The following DOCK4 variants were observed in gnomAD, a reference collection of about 807,000 sequenced individuals.
The protein encoded by DOCK4 is dedicator of cytokinesis 4.
DOCK4 carries 97 observed loss-of-function variants against 268.1 expected under a neutral mutation model. The ratio of observed to expected loss-of-function variants is 0.36; its 90% CI spans 0.31 to 0.43. DOCK4 has a LOEUF of 0.43. Among genes scored for constraint, DOCK4 ranks in the 20% least tolerant of loss-of-function variants. DOCK4 has a pLI of 1.00. For missense variants in DOCK4, 2,145 were observed against 2,455.7 expected, an observed-to-expected ratio of 0.87 and a Z score of 2.67; for synonymous variants, 954 against 887.2, an observed-to-expected ratio of 1.08 and a Z score of -1.34.
chr7:112,116,118 A>AC (rs1288303831), intron 1 of DOCK4, among the ~76,000 whole-genome samples: 1 of 152,036 alleles, frequency 6.6e-6, no homozygotes, highest in Non-Finnish European at 1.5e-5. Flanking sequence ...CTTTTTTAAC[A>AC]CCCCAAATGG....
At chr7:111,812,070 T>A in intron 27 of DOCK4, 121 bp from the exon 28 acceptor site, 3 of 518,344 alleles carry the variant, frequency 5.8e-6, no homozygotes, top group Non-Finnish European at 1.0e-5. Flanking sequence ...GGAGCAATAT[T>A]AAATAATTCA....
chr7:111,735,187 C>T lies in DOCK4; in HGVS notation c.5306-20G>A. ...TCACAGCTGGAAGGGAATAACACAG[C>T]TAAAAACACACGGTCCAGCTTTGCC... On this transcript the variant is annotated intron_variant, in intron 50 of 52. Transcript: ENST00000428084. 6.7e-7 allele frequency: 1 copy of T among 1,503,328 alleles called. No homozygotes were observed. The highest frequency in any genetic ancestry group is 1.3e-5 in the South Asian group (1 of 79,896). The allele number at this position is 1,503,328 out of a possible 1,614,324, so 93.1% of individuals were successfully genotyped here. A position where few individuals can be genotyped will look rare whatever the true frequency, so the allele number is the denominator to read the frequency against.
At chr7:112,000,729 T>G (rs941056752) in intron 2 of DOCK4, among the ~76,000 whole-genome samples, 195 bp from the exon 3 acceptor site, 2 of 152,166 alleles carry the variant, frequency 1.3e-5, no homozygotes, top group African/African-American at 2.4e-5. Context: ...AATAAAACCA[T>G]TTTTAAAAAA....
chr7:112,172,940 T>A (rs1818205577), intron 1 of DOCK4, among the ~76,000 whole-genome samples: 1 of 152,174 alleles, frequency 6.6e-6, no homozygotes, highest in South Asian at 2.1e-4. Flanking sequence ...ACCCCGTAAC[T>A]AGAGCAGAAC....
At chr7:112,127,575 A>C (rs1047566246) in intron 1 of DOCK4, among the ~76,000 whole-genome samples, 38 of 149,544 alleles carry the variant, frequency 2.5e-4, no homozygotes, top group South Asian at 1.1e-3. Flanking sequence ...ATAAAAAAAA[A>C]CTTCTTTATT....
intron 23 of DOCK4, among the ~76,000 whole-genome samples, chr7:111,855,698 C>T (rs895319809): frequency 2.0e-5 from 3 of 152,138 alleles, no homozygotes; most frequent in African/African-American, 7.2e-5. Context: ...TGCTACATGG[C>T]ACCCTGGAAA....
chr7:112,027,269 G>C (rs1344197653), intron 1 of DOCK4, among the ~76,000 whole-genome samples: 1 of 152,090 alleles, frequency 6.6e-6, no homozygotes. Context: ...TTGTTGCCCA[G>C]GGTGGAGTGC....
chr7:111,800,604 A>G (rs1027058420), intron 30 of DOCK4, among the ~76,000 whole-genome samples: 1 of 151,926 alleles, frequency 6.6e-6, no homozygotes, highest in African/African-American at 2.4e-5. Context: ...GGTCTATAGG[A>G]CCCCCACTAA....
chr7:111,761,962 T>C (rs2133603042), intron 39 of DOCK4, among the ~76,000 whole-genome samples: 1 of 152,312 alleles, frequency 6.6e-6, no homozygotes, highest in East Asian at 1.9e-4. Context: ...CATCCCTCTC[T>C]GCCTATTACA....
chr7:112,180,476 G>C (rs1818926636), intron 1 of DOCK4, among the ~76,000 whole-genome samples: 1 of 152,206 alleles, frequency 6.6e-6, no homozygotes, highest in African/African-American at 2.4e-5. Flanking sequence ...GTAAGTGTGA[G>C]TTGGTCCTCT....
chr7:111,842,565 C>T (rs1382564984), intron 25 of DOCK4, among the ~76,000 whole-genome samples: 2 of 152,150 alleles, frequency 1.3e-5, no homozygotes, highest in African/African-American at 2.4e-5. Context: ...TAGAGTGGAG[C>T]CAGAGAAGGT....
At chr7:111,814,379 C>T (rs2133926692) in intron 27 of DOCK4, among the ~76,000 whole-genome samples, 1 of 152,292 alleles carries the variant, frequency 6.6e-6, no homozygotes. Flanking sequence ...TGCTGGGTCA[C>T]ATCGCCAGAG....
At position 111,752,842 on chromosome 7, in the gene DOCK4, C is replaced by A. The variant is rs146982985; in HGVS notation, c.4416+2673G>T. Among the ~76,000 whole-genome samples, 376 of 152,060 alleles carry A rather than the reference C, an allele frequency of 2.5e-3. 3 individuals carry two copies. Among genetic ancestry groups the A allele is most frequent in the African/African-American group, 8.7e-3 (359 of 41,466 alleles). On this transcript the variant is annotated intron_variant, in intron 42 of 52. Transcript: ENST00000428084. ...ACCTCAGGTGATACACCTGTCTCAGCCTCCCGAAGTGCTGGGATTACAGGT... is the reference window on the plus strand; with the variant it reads ...ACCTCAGGTGATACACCTGTCTCAGACTCCCGAAGTGCTGGGATTACAGGT...
chr7:111,868,198 G>C (rs568873704), intron 21 of DOCK4, 44 bp from the exon 22 acceptor site: 4 of 1,452,548 alleles, frequency 2.8e-6, no homozygotes, highest in South Asian at 2.7e-5. Context: ...AGGAGACAAA[G>C]AGTATTTATT....
chr7:111,801,194 G>T (rs1381577351), intron 30 of DOCK4, among the ~76,000 whole-genome samples: 2 of 152,190 alleles, frequency 1.3e-5, no homozygotes, highest in Admixed American at 6.5e-5. Flanking sequence ...GGACTAAGGT[G>T]GGAGGGCCAG....
intron 13 of DOCK4, among the ~76,000 whole-genome samples, chr7:111,913,125 G>A (rs142692511): frequency 0.033 from 4,976 of 151,724 alleles, 295 homozygotes; most frequent in East Asian, 0.3. Context: ...CACCATGCCC[G>A]GCTAATTTTT....
chr7:112,075,844 A>G (rs1808018424), intron 1 of DOCK4, among the ~76,000 whole-genome samples: 1 of 152,162 alleles, frequency 6.6e-6, no homozygotes, highest in African/African-American at 2.4e-5. Context: ...GCCCAAAAGA[A>G]GTGTTGACAT....
At chr7:111,974,158 C>G (rs1797951152) in intron 8 of DOCK4, among the ~76,000 whole-genome samples, 1 of 152,072 alleles carries the variant, frequency 6.6e-6, no homozygotes, top group Non-Finnish European at 1.5e-5. Flanking sequence ...CATCCTAAGG[C>G]CTCTTCATGC....
chr7:112,018,751 A>G (rs1802078890), intron 1 of DOCK4, among the ~76,000 whole-genome samples: 1 of 151,928 alleles, frequency 6.6e-6, no homozygotes, highest in African/African-American at 2.4e-5. Context: ...TAGGGTTAAA[A>G]TCTTTAGAAA....
Sources: allele counts gnomAD v4.1 joint callset (sites outside exome capture counted in the v4.1 genomes callset), GRCh38; gene constraint gnomAD v4.1.1; transcripts MANE v1.5; gene names NCBI Gene and HGNC (gene_info 2026-07-23, HGNC 2026-07-21).